The following PTPRD variants were observed in gnomAD, a reference collection of about 807,000 sequenced individuals.
PTPRD encodes the protein protein tyrosine phosphatase receptor type D, also known as receptor-type tyrosine-protein phosphatase delta.
A neutral mutation model predicts 214.5 loss-of-function variants in PTPRD; 34 were observed. The ratio of observed to expected loss-of-function variants is 0.16; its 90% confidence interval spans 0.12 to 0.21. The LOEUF (loss-of-function observed/expected upper bound fraction) is 0.21, where lower values mean the gene tolerates loss of function less well. Ranked by LOEUF, PTPRD falls within the 10% of genes least tolerant of loss-of-function variation. PTPRD has a pLI of 1.00. For synonymous variants in PTPRD, 1,128 were observed against 845.7 expected (o/e 1.33, Z -5.79); for missense variants, 2,545 against 2,398.7 (o/e 1.06, Z -1.27).
chr9:8,635,201 T>C (rs939957603), intron 13 of PTPRD, among the ~76,000 whole-genome samples: 7 of 151,166 alleles, frequency 4.6e-5, no homozygotes, highest in Non-Finnish European at 1.5e-5. Context: ...ATGACTCTCA[T>C]GGGGAATTAG....
At chr9:9,661,401 CAT>C (rs1222164712) in intron 7 of PTPRD, among the ~76,000 whole-genome samples, 1 of 151,806 alleles carries the variant, frequency 6.6e-6, no homozygotes. Flanking sequence ...GTTTTCAAAT[CAT>C]ATCTTTTGAA....
chr9:8,661,104 T>C (rs1048680912), intron 12 of PTPRD, among the ~76,000 whole-genome samples: 3 of 152,108 alleles, frequency 2.0e-5, no homozygotes, highest in Admixed American at 6.6e-5. Flanking sequence ...CAAGTTCAGA[T>C]ATTGTATCTA....
chr9:9,912,739 C>G (rs1180666655), intron 5 of PTPRD, among the ~76,000 whole-genome samples: 1 of 152,120 alleles, frequency 6.6e-6, no homozygotes, highest in Non-Finnish European at 1.5e-5. Flanking sequence ...GCCAATAACC[C>G]AAGTTGAGAA....
chr9:8,708,974 T>C (rs755904670), intron 12 of PTPRD, among the ~76,000 whole-genome samples: 3 of 152,116 alleles, frequency 2.0e-5, no homozygotes, highest in East Asian at 3.9e-4. Flanking sequence ...GAGACCATTA[T>C]GGCAAGTGAA....
chr9:9,436,877 A>G (rs950082716), intron 8 of PTPRD, among the ~76,000 whole-genome samples: 2 of 134,586 alleles, frequency 1.5e-5, no homozygotes, highest in African/African-American at 5.5e-5. Context: ...ATACCAAACA[A>G]AGTTACTAAG....
intron 11 of PTPRD, among the ~76,000 whole-genome samples, chr9:8,740,798 G>A (rs1046490565): frequency 1.2e-4 from 18 of 152,100 alleles, no homozygotes; most frequent in Non-Finnish European, 7.4e-5. Flanking sequence ...AACACAAAGT[G>A]ATAATTCAAT....
At chr9:9,190,391 T>G (rs73388805) in intron 9 of PTPRD, among the ~76,000 whole-genome samples, 13,513 of 152,028 alleles carry the variant, frequency 0.089, 747 homozygotes, top group African/African-American at 0.15. Context: ...AGTGAATAAG[T>G]CTCACGAGAT....
At chr9:10,327,242 A>G (rs897028316) in intron 3 of PTPRD, among the ~76,000 whole-genome samples, 2 of 150,292 alleles carry the variant, frequency 1.3e-5, no homozygotes, top group African/African-American at 4.8e-5. Flanking sequence ...GCAGGAAATG[A>G]AAAAGAAAAC....
chr9:9,445,020 T>A (rs927936387), intron 8 of PTPRD, among the ~76,000 whole-genome samples: 5 of 152,164 alleles, frequency 3.3e-5, no homozygotes, highest in Non-Finnish European at 5.9e-5. Flanking sequence ...GATCAAATTT[T>A]AAAAAAATGA....
chr9:8,832,104 ATGTGTGTGTG>A (rs34699954), intron 11 of PTPRD, among the ~76,000 whole-genome samples: 14,151 of 148,842 alleles, frequency 0.095, 718 homozygotes, highest in African/African-American at 0.13. Flanking sequence ...GTATGTGTAT[ATGTGTGTGTG>A]TGTGTGTGTG....
At chr9:8,586,596 A>C (rs1279061269) in intron 14 of PTPRD, among the ~76,000 whole-genome samples, 2 of 152,220 alleles carry the variant, frequency 1.3e-5, no homozygotes, top group Non-Finnish European at 2.9e-5. Context: ...CCCACAACAC[A>C]GTATGACTTT....
chr9:10,231,987 AGAGT>A (rs1458768721), intron 3 of PTPRD, among the ~76,000 whole-genome samples: 15 of 97,782 alleles, frequency 1.5e-4, no homozygotes, highest in East Asian at 9.7e-4. Flanking sequence ...AGAGAGAGAG[AGAGT>A]GTGTGTGTGT....
At chr9:8,946,972 C>G (rs1164902822) in intron 11 of PTPRD, among the ~76,000 whole-genome samples, 4 of 144,878 alleles carry the variant, frequency 2.8e-5, no homozygotes, top group Non-Finnish European at 6.1e-5. Context: ...TTCTGCCTAT[C>G]TTTTTTTTTC....
intron 8 of PTPRD, among the ~76,000 whole-genome samples, chr9:9,437,475 G>A (rs2085771705): frequency 6.6e-6 from 1 of 152,010 alleles, no homozygotes; most frequent in South Asian, 2.1e-4. Context: ...AAGGGTCTGA[G>A]ACTGTTGCGA....
chr9:10,339,078 T>C (rs2096893986), intron 3 of PTPRD, among the ~76,000 whole-genome samples: 1 of 151,684 alleles, frequency 6.6e-6, no homozygotes, highest in African/African-American at 2.4e-5. Flanking sequence ...CCAGGTGGTA[T>C]TGTTTAGCTT....
At chr9:8,622,391 A>G (rs532873831) in intron 14 of PTPRD, among the ~76,000 whole-genome samples, 6 of 151,996 alleles carry the variant, frequency 3.9e-5, no homozygotes, top group Non-Finnish European at 7.4e-5. Flanking sequence ...CCTTACTGTC[A>G]TATTGATGGA....
At chr9:10,221,670 G>C (rs553912716) in intron 3 of PTPRD, among the ~76,000 whole-genome samples, 68 of 152,002 alleles carry the variant, frequency 4.5e-4, no homozygotes, top group Admixed American at 1.2e-3. Context: ...ATAAATAGAT[G>C]TATTTTTAAG....
intron 45 of PTPRD, 144 bp from the exon 46 acceptor site, chr9:8,318,086 A>T: frequency 1.5e-6 from 1 of 686,060 alleles, no homozygotes; most frequent in Non-Finnish European, 2.4e-6. Context: ...TAATCCAATG[A>T]CCAATTGTTT....
intron 11 of PTPRD, among the ~76,000 whole-genome samples, chr9:8,945,664 C>G (rs1355957058): frequency 6.6e-6 from 1 of 152,054 alleles, no homozygotes; most frequent in Non-Finnish European, 1.5e-5. Context: ...ACCTCACTGT[C>G]TTTTTCCTGT....
Sources: allele counts gnomAD v4.1 joint callset (sites outside exome capture counted in the v4.1 genomes callset), GRCh38; gene constraint gnomAD v4.1.1; transcripts MANE v1.5; gene names NCBI Gene and HGNC (gene_info 2026-07-23, HGNC 2026-07-21).